Variants in SIL1 observed in about 807,000 individuals in gnomAD.
The protein encoded by SIL1 is SIL1 nucleotide exchange factor.
A neutral mutation model predicts 49.1 loss-of-function variants in SIL1; 40 were observed. The ratio of observed to expected loss-of-function variants is 0.81; its 90% CI spans 0.63 to 1.06. The LOEUF (loss-of-function observed/expected upper bound fraction) is 1.06, where lower values mean the gene tolerates loss of function less well. Ranked by LOEUF, SIL1 falls within the 50% of genes least tolerant of loss-of-function variation. The probability of loss-of-function intolerance (pLI) is 0.00; values close to 1 mark genes in which losing one functional copy is unlikely to be tolerated. For synonymous variants in SIL1, 253 were observed against 250.8 expected (o/e 1.01, Z -0.08); for missense variants, 500 against 572.6 (o/e 0.87, Z 1.29).
At chr5:139,059,584 A>G (rs779142323) in intron 3 of SIL1, among the ~76,000 whole-genome samples, 4 of 152,182 alleles carry the variant, frequency 2.6e-5, no homozygotes, top group Non-Finnish European at 4.4e-5. Flanking sequence ...TGTTTAAGGG[A>G]CACTGAGTTC....
At chr5:138,998,778 C>T (rs1767926827) in intron 7 of SIL1, among the ~76,000 whole-genome samples, 1 of 152,072 alleles carries the variant, frequency 6.6e-6, no homozygotes, top group Admixed American at 6.6e-5. Context: ...CCAGGCCCTA[C>T]CTCTAACACT....
At chr5:138,959,109 T>C (rs1467302370) in intron 7 of SIL1, among the ~76,000 whole-genome samples, 1 of 152,212 alleles carries the variant, frequency 6.6e-6, no homozygotes, top group African/African-American at 2.4e-5. Flanking sequence ...GATGTTCTTG[T>C]ACAAGATATT....
At chr5:139,128,503 G>C (rs1462066812) in intron 1 of SIL1, among the ~76,000 whole-genome samples, 1 of 151,988 alleles carries the variant, frequency 6.6e-6, no homozygotes, top group African/African-American at 2.4e-5. Context: ...AAAAAAATTA[G>C]CTAGGCATGG....
chr5:138,959,037 G>A (rs1043911851), intron 7 of SIL1, among the ~76,000 whole-genome samples: 1 of 152,044 alleles, frequency 6.6e-6, no homozygotes, highest in Non-Finnish European at 1.5e-5. Flanking sequence ...TTTCATGCTG[G>A]CTTCTGTGTC....
chr5:139,149,886 T>C (rs1013131461), intron 1 of SIL1, among the ~76,000 whole-genome samples: 2 of 152,124 alleles, frequency 1.3e-5, no homozygotes, highest in African/African-American at 4.8e-5. Flanking sequence ...ACAGGTTAGA[T>C]AGAGTTCAAA....
intron 5 of SIL1, among the ~76,000 whole-genome samples, chr5:139,038,673 C>T (rs1489533259): frequency 2.0e-5 from 3 of 152,254 alleles, no homozygotes; most frequent in African/African-American, 4.8e-5. Context: ...CCTGCCACCA[C>T]TGGATGCTGG....
chr5:139,177,729 G>C (rs1217539785), intron 1 of SIL1, among the ~76,000 whole-genome samples: 1 of 152,218 alleles, frequency 6.6e-6, no homozygotes, highest in Admixed American at 6.5e-5. Context: ...ACGTAACTCT[G>C]ACCCAGTTTT....
At chr5:139,064,497 G>C (rs748082325) in intron 3 of SIL1, among the ~76,000 whole-genome samples, 3 of 152,196 alleles carry the variant, frequency 2.0e-5, no homozygotes, top group Admixed American at 2.0e-4. Context: ...CATTGGGGGA[G>C]CCCACCCTCC....
chr5:139,112,109 G>A (rs568314244), intron 3 of SIL1, among the ~76,000 whole-genome samples: 109 of 152,378 alleles, frequency 7.2e-4, no homozygotes, highest in African/African-American at 2.1e-3. Context: ...GGCCTCCCGA[G>A]GTGCCGGGAT....
At chr5:138,960,063 G>C (rs566555081) in intron 7 of SIL1, among the ~76,000 whole-genome samples, 22 of 152,092 alleles carry the variant, frequency 1.4e-4, no homozygotes, top group Non-Finnish European at 2.9e-4. Flanking sequence ...ATTTATTTCT[G>C]GGTGGTGAAT....
chr5:139,079,081 C>A (rs1391839142), intron 3 of SIL1, among the ~76,000 whole-genome samples: 1 of 152,154 alleles, frequency 6.6e-6, no homozygotes, highest in African/African-American at 2.4e-5. Context: ...TTAGTGACTA[C>A]CATATCAGAT....
chr5:139,143,965 T>C (rs910671459), intron 1 of SIL1, among the ~76,000 whole-genome samples: 2 of 152,142 alleles, frequency 1.3e-5, no homozygotes, highest in East Asian at 1.9e-4. Context: ...GTACAACACA[T>C]AAATAAATAA....
At chr5:139,034,932 T>C (rs535169062) in intron 5 of SIL1, among the ~76,000 whole-genome samples, 1 of 152,340 alleles carries the variant, frequency 6.6e-6, no homozygotes, top group East Asian at 1.9e-4. Flanking sequence ...CAGCATCTAT[T>C]ATTTTTTGAC....
intron 1 of SIL1, among the ~76,000 whole-genome samples, chr5:139,171,885 G>T (rs143255730): frequency 1.3e-5 from 2 of 151,988 alleles, no homozygotes; most frequent in African/African-American, 4.8e-5. Flanking sequence ...TTTGGAAAAA[G>T]ATTAAAATAT....
intron 4 of SIL1, among the ~76,000 whole-genome samples, chr5:139,045,368 A>C (rs867780694): frequency 2.0e-5 from 3 of 151,952 alleles, no homozygotes; most frequent in African/African-American, 4.8e-5. Flanking sequence ...AACAAACAAA[A>C]AAAACCTCCT....
intron 7 of SIL1, among the ~76,000 whole-genome samples, chr5:138,967,216 T>C (rs560774311): frequency 2.6e-4 from 40 of 152,278 alleles, no homozygotes; most frequent in South Asian, 2.1e-3. Flanking sequence ...CCAAGTCTGA[T>C]CTCTGGGCCA....
At chr5:138,975,567 G>A (rs964413610) in intron 7 of SIL1, among the ~76,000 whole-genome samples, 2 of 152,170 alleles carry the variant, frequency 1.3e-5, no homozygotes, top group Non-Finnish European at 2.9e-5. Flanking sequence ...GGTCACCGGC[G>A]ATCCCCACCA....
At chr5:139,147,698 A>G (rs780205005) in intron 1 of SIL1, among the ~76,000 whole-genome samples, 17 of 152,234 alleles carry the variant, frequency 1.1e-4, no homozygotes, top group Non-Finnish European at 2.2e-4. Context: ...GGGTCTGTCA[A>G]GTATCTATGT....
intron 3 of SIL1, among the ~76,000 whole-genome samples, chr5:139,053,507 C>T (rs1157797365): frequency 3.3e-5 from 5 of 152,220 alleles, no homozygotes; most frequent in Non-Finnish European, 7.3e-5. Flanking sequence ...CATTCTCCTG[C>T]TTCAAACCTT....
Sources: allele counts gnomAD v4.1 joint callset (sites outside exome capture counted in the v4.1 genomes callset), GRCh38; gene constraint gnomAD v4.1.1; transcripts MANE v1.5; gene names NCBI Gene and HGNC (gene_info 2026-07-23, HGNC 2026-07-21).